Variants in NAA30 observed in about 807,000 individuals in gnomAD.
NAA30 encodes N-alpha-acetyltransferase 30.
In NAA30, 5 loss-of-function variants were observed where a neutral mutation model predicts 31.4. That is an observed-to-expected ratio of 0.16 (90% CI 0.08 to 0.33). The LOEUF (loss-of-function observed/expected upper bound fraction) is 0.33. Ranked by LOEUF, NAA30 falls within the 10% of genes least tolerant of loss-of-function variation. The pLI is 1.00. For synonymous variants in NAA30, 222 were observed against 207.1 expected (o/e 1.07, Z -0.62); for missense variants, 428 against 490.8 (o/e 0.87, Z 1.21).
Position 57,409,630 on chromosome 14 carries a change from CTGTCAG to C in NAA30, c.*119_*124del, listed in dbSNP as rs1396658070. 1.0e-5 allele frequency: 10 copies of C among 986,290 alleles called. No homozygotes were observed. The highest frequency in any genetic ancestry group is 1.4e-5 in the Non-Finnish European group (10 of 699,432). 61.1% of individuals were successfully genotyped at this position (986,290 alleles called of 1,614,324 possible). A position where few individuals can be genotyped will look rare whatever the true frequency, so the allele number is the denominator to read the frequency against. ...TTAGTAATTTCCATGCAGCTCTTAC[CTGTCAG>C]TGTCTCATTGAGTGTCGCACAATAT... On this transcript the variant is annotated 3_prime_UTR_variant, in exon 5 of 5. Transcript: ENST00000556492.
chr14:57,394,437 G>A (rs1430314168), intron 2 of NAA30, among the ~76,000 whole-genome samples: 1 of 151,800 alleles, frequency 6.6e-6, no homozygotes, highest in East Asian at 1.9e-4. Context: ...TCCCATCCTT[G>A]AAAAAATACA....
Position 57,390,724 on chromosome 14 carries a change from C to T in NAA30, c.-2+19C>T. The T allele has an allele frequency of 2.4e-6, 1 of 424,096 alleles. No homozygotes were observed. The highest frequency in any genetic ancestry group is 4.1e-6 in the Non-Finnish European group (1 of 243,784). 26.3% of individuals were successfully genotyped at this position (424,096 alleles called of 1,614,324 possible). On this transcript the variant is annotated intron_variant, in intron 1 of 4. Coordinates refer to ENST00000556492, the MANE Select transcript of NAA30 (RefSeq NM_001011713.3). ...GTGCGGGGTGAGCCGTGAGGAGGGG[C>T]CGCGAGTGACAGGGCTGGCGGGTGG... is the stretch of plus-strand genomic sequence containing the variant.
At chr14:57,402,897 T>G (rs2066482753) in intron 4 of NAA30, among the ~76,000 whole-genome samples, 1 of 152,190 alleles carries the variant, frequency 6.6e-6, no homozygotes, top group African/African-American at 2.4e-5. Context: ...AGAGGTACAT[T>G]TGGCCAGGCA....
chr14:57,396,193 T>G (rs886294719), intron 2 of NAA30, among the ~76,000 whole-genome samples: 35 of 152,122 alleles, frequency 2.3e-4, no homozygotes, highest in Admixed American at 1.9e-3. Context: ...CACGCTGATC[T>G]CAAACCCCTG....
At chr14:57,407,674 CT>C (rs989401357) in intron 4 of NAA30, among the ~76,000 whole-genome samples, 2 of 152,158 alleles carry the variant, frequency 1.3e-5, no homozygotes, top group Non-Finnish European at 2.9e-5. Context: ...TATTGATGGA[CT>C]TTTTATGTCT....
At position 57,414,990 on chromosome 14, in the gene NAA30, T is replaced by C. The variant is rs747109468; in HGVS notation, c.*5474T>C. 5.3e-5 allele frequency: 8 copies of C among 152,240 alleles called. No individual in the cohort carries two copies. Among genetic ancestry groups the C allele is most frequent in the Non-Finnish European group, 8.8e-5 (6 of 68,030 alleles). 9.4% of individuals were successfully genotyped at this position (152,240 alleles called of 1,614,324 possible). A position where few individuals can be genotyped will look rare whatever the true frequency, so the allele number is the denominator to read the frequency against. On this transcript the variant is annotated 3_prime_UTR_variant, in exon 5 of 5. Transcript: ENST00000556492. ...TATAATGAAATAGTTTTAGTCTATG[T>C]AAGGTTTTTATAATGCTAAGAAATA...
chr14:57,405,313 G>A (rs2066493904), intron 4 of NAA30, among the ~76,000 whole-genome samples: 1 of 151,730 alleles, frequency 6.6e-6, no homozygotes, highest in Non-Finnish European at 1.5e-5. Flanking sequence ...GTCCAACTTA[G>A]AAAAGGTACA....
In NAA30 at chr14:57,391,671, C is replaced by G. The variant is rs1224317835; in HGVS notation, c.714C>G (p.Pro238=). The change falls in exon 2 of 5, where the codon CCC becomes CCG. Residue 238 remains proline (P), a synonymous_variant. Transcript: ENST00000556492. The surrounding 1 kb of genome is among the most constrained non-coding windows in gnomAD (Gnocchi z 4.1). ...MRLITKDLSE[P]YSIYTYRYFI... ...TGATCACCAAAGATCTGTCCGAACC[C>G]TACTCCATTTATACCTATAGATATT... 1 of 1,614,104 alleles carries G rather than the reference C, an allele frequency of 6.2e-7. No homozygotes were observed. Among genetic ancestry groups the G allele is most frequent in the African/African-American group, 1.3e-5 (1 of 75,058 alleles).
At chr14:57,407,995 AT>A (rs2066506608) in intron 4 of NAA30, among the ~76,000 whole-genome samples, 1 of 152,180 alleles carries the variant, frequency 6.6e-6, no homozygotes. Flanking sequence ...GGTTTGAGGC[AT>A]TGGTGTGGTG....
In NAA30 at chr14:57,412,226, G is replaced by GA. The variant is rs1173741754; in HGVS notation, c.*2716dup. The GA allele has an allele frequency of 1.3e-5, 2 of 152,006 alleles. No individual in the cohort carries two copies. The highest frequency in any genetic ancestry group is 1.5e-5 in the Non-Finnish European group (1 of 67,934). The allele number at this position is 152,006 out of a possible 1,614,324, so 9.4% of individuals were successfully genotyped here. ...TTTGAAGTTGAAACCAGCAAAATAA[G>GA]AAAAAATAAAAAATCGATTTTAATA... On this transcript the variant is annotated 3_prime_UTR_variant, in exon 5 of 5. Transcript: ENST00000556492.
chr14:57,400,735 G>T (rs988040421), intron 4 of NAA30, among the ~76,000 whole-genome samples: 1 of 152,048 alleles, frequency 6.6e-6, no homozygotes, highest in Non-Finnish European at 1.5e-5. Context: ...GGAGTGTTTT[G>T]GTACAAAATT....
intron 2 of NAA30, among the ~76,000 whole-genome samples, chr14:57,394,887 A>G (rs887287502): frequency 2.0e-5 from 3 of 152,056 alleles, no homozygotes; most frequent in Non-Finnish European, 2.9e-5. Flanking sequence ...ACAGGTTTTC[A>G]TTTCACCTGA....
At chr14:57,407,901 GA>G (rs1037511266) in intron 4 of NAA30, among the ~76,000 whole-genome samples, 4 of 152,132 alleles carry the variant, frequency 2.6e-5, no homozygotes, top group African/African-American at 9.7e-5. Flanking sequence ...AGAGATTTAA[GA>G]GGGAGAATTG....
Position 57,409,584 on chromosome 14 carries a change from A to G in NAA30, c.*68A>G. 1 of 1,464,954 alleles carries G rather than the reference A, an allele frequency of 6.8e-7. No homozygotes were observed. The highest frequency in any genetic ancestry group is 1.4e-5 in the African/African-American group (1 of 69,412). 90.7% of individuals were successfully genotyped at this position (1,464,954 alleles called of 1,614,324 possible). ...CCTTTGCATGCAATGCAATTTGTAC[A>G]GAATTGCTTTGCAGGTGGATTTAGT... On this transcript the variant is annotated 3_prime_UTR_variant, in exon 5 of 5. Coordinates refer to ENST00000556492, the MANE Select transcript of NAA30 (RefSeq NM_001011713.3).
At chr14:57,404,103 C>A (rs528469671) in intron 4 of NAA30, among the ~76,000 whole-genome samples, 12 of 152,074 alleles carry the variant, frequency 7.9e-5, no homozygotes, top group Non-Finnish European at 1.6e-4. Flanking sequence ...GGGTGGATCA[C>A]GAGGTCAGGA....
intron 4 of NAA30, among the ~76,000 whole-genome samples, chr14:57,403,087 A>G (rs896156738): frequency 2.0e-5 from 3 of 152,188 alleles, no homozygotes; most frequent in African/African-American, 7.2e-5. Flanking sequence ...AGGCTGAGGC[A>G]GGAGAATCGC....
Position 57,390,698 on chromosome 14 carries a change from C to G in NAA30, c.-9C>G, listed in dbSNP as rs913955880. ...AGTGGCGGCAGCGGCGGCGGGGACC[C>G]GTGCGGGGTGAGCCGTGAGGAGGGG... On this transcript the variant is annotated 5_prime_UTR_variant, in exon 1 of 5. Transcript: ENST00000556492. 2 of 394,372 alleles carry G rather than the reference C, an allele frequency of 5.1e-6. No individual in the cohort carries two copies. Among genetic ancestry groups the G allele is most frequent in the Non-Finnish European group, 8.9e-6 (2 of 224,534 alleles). The allele number at this position is 394,372 out of a possible 1,614,324, so 24.4% of individuals were successfully genotyped here.
At chr14:57,396,610 T>G (rs1014361187) in intron 2 of NAA30, 142 bp from the exon 3 acceptor site, 2 of 729,334 alleles carry the variant, frequency 2.7e-6, no homozygotes, top group Non-Finnish European at 4.6e-6. Context: ...TTTCTGAAAC[T>G]TCTGTGACTG....
In NAA30 at chr14:57,391,674, C is replaced by T; in HGVS notation, c.717C>T (p.Tyr239=). The T allele has an allele frequency of 6.2e-7, 1 of 1,614,044 alleles. No individual in the cohort carries two copies. The highest frequency in any genetic ancestry group is 1.1e-5 in the South Asian group (1 of 91,064). Residue 239 remains tyrosine, a synonymous_variant, in exon 2 of 5, where the codon TAC becomes TAT. Coordinates refer to ENST00000556492, the MANE Select transcript of NAA30 (RefSeq NM_001011713.3). This position sits in a 1 kb window ranked among gnomAD's most constrained non-coding sequence, Gnocchi z 4.1. ...TCACCAAAGATCTGTCCGAACCCTA[C>T]TCCATTTATACCTATAGATATTTTA... The part of the protein sequence containing the change: ...RLITKDLSEP[Y]SIYTYRYFIH...
Sources: gnomAD v4.1 joint callset for allele counts (sites outside exome capture counted in the v4.1 genomes callset) on GRCh38, gnomAD v4.1.1 for gene constraint, Gnocchi (gnomAD v3.1) non-coding constraint, MANE v1.5 for transcripts, NCBI Gene and HGNC (gene_info 2026-07-23, HGNC 2026-07-21) for gene names.